Variants in CSMD1 observed in about 807,000 individuals in gnomAD.
CSMD1 encodes the protein CUB and sushi domain-containing protein 1.
CSMD1 carries 213 observed loss-of-function variants against 417.5 expected under a neutral mutation model. The observed-to-expected ratio is 0.51, with a 90% CI of 0.46 to 0.57. CSMD1 has a LOEUF of 0.57. CSMD1 is among the 20% of genes least tolerant of loss of function. The pLI, the probability that CSMD1 is intolerant of heterozygous loss-of-function variation, is 0.00. For missense variants in CSMD1, 6,923 were observed against 4,529.7 expected (o/e 1.53, Z -15.17); for synonymous variants, 2,862 against 1,736.8 (o/e 1.65, Z -16.11).
At chr8:4,778,525 C>A (rs981219659) in intron 1 of CSMD1, among the ~76,000 whole-genome samples, 1 of 152,162 alleles carries the variant, frequency 6.6e-6, no homozygotes, top group Non-Finnish European at 1.5e-5. Flanking sequence ...TATAAGCATA[C>A]AGCAAATCAT....
intron 2 of CSMD1, among the ~76,000 whole-genome samples, chr8:4,555,586 C>G (rs182257394): frequency 1.3e-5 from 2 of 152,282 alleles, no homozygotes; most frequent in African/African-American, 4.8e-5. Context: ...TGATACCTCA[C>G]TTTGGGTTTC....
intron 7 of CSMD1, among the ~76,000 whole-genome samples, chr8:3,646,767 A>G (rs1797594598): frequency 2.0e-5 from 3 of 151,996 alleles, no homozygotes; most frequent in African/African-American, 7.3e-5. Flanking sequence ...TTCATGGATA[A>G]CCACCAGGGG....
chr8:4,122,762 G>T (rs1179927904), intron 3 of CSMD1, among the ~76,000 whole-genome samples: 1 of 152,082 alleles, frequency 6.6e-6, no homozygotes, highest in Admixed American at 6.6e-5. Flanking sequence ...AAGATTTCTG[G>T]CTCTTATCAA....
intron 12 of CSMD1, among the ~76,000 whole-genome samples, chr8:3,439,294 TA>T (rs1814796949): frequency 2.1e-5 from 1 of 48,150 alleles, no homozygotes; most frequent in South Asian, 8.0e-4. Flanking sequence ...TATATATATA[TA>T]TATATATATA....
chr8:4,591,490 A>G (rs956905095), intron 2 of CSMD1, among the ~76,000 whole-genome samples: 1 of 152,202 alleles, frequency 6.6e-6, no homozygotes, highest in African/African-American at 2.4e-5. Context: ...GTAAACCTGC[A>G]TGGTAGGTCC....
chr8:3,357,109 G>A (rs71521848), intron 21 of CSMD1, among the ~76,000 whole-genome samples: 3,310 of 152,224 alleles, frequency 0.022, 48 homozygotes, highest in Middle Eastern at 0.068. Flanking sequence ...ATCCTCCAGA[G>A]CTAGGACATA....
intron 2 of CSMD1, among the ~76,000 whole-genome samples, chr8:4,536,439 G>C (rs980157099): frequency 6.6e-6 from 1 of 151,964 alleles, no homozygotes; most frequent in South Asian, 2.1e-4. Context: ...TCAGCCATTT[G>C]TATACGTGAA....
intron 3 of CSMD1, among the ~76,000 whole-genome samples, chr8:4,104,840 CTCT>C (rs1317552158): frequency 6.6e-6 from 1 of 152,138 alleles, no homozygotes; most frequent in African/African-American, 2.4e-5. Flanking sequence ...AGATCAAAGC[CTCT>C]GAGTGCTTAG....
At chr8:3,756,284 C>T (rs911819055) in intron 5 of CSMD1, among the ~76,000 whole-genome samples, 2 of 150,618 alleles carry the variant, frequency 1.3e-5, no homozygotes, top group South Asian at 2.1e-4. Context: ...ACCTGGGAGG[C>T]AGAGCTTGCA....
At chr8:4,905,793 C>CT (rs1375167676) in intron 1 of CSMD1, among the ~76,000 whole-genome samples, 1 of 136,114 alleles carries the variant, frequency 7.3e-6, no homozygotes, top group Non-Finnish European at 1.5e-5. Context: ...GCACTCCAGC[C>CT]TGGGCCACAG....
At chr8:3,722,011 G>C (rs1802206101) in intron 6 of CSMD1, among the ~76,000 whole-genome samples, 1 of 152,130 alleles carries the variant, frequency 6.6e-6, no homozygotes, top group Admixed American at 6.5e-5. Flanking sequence ...CACATGGGTG[G>C]AGTTGGCACA....
At chr8:4,215,290 A>G (rs77019805) in intron 3 of CSMD1, among the ~76,000 whole-genome samples, 1 of 151,970 alleles carries the variant, frequency 6.6e-6, no homozygotes, top group African/African-American at 2.4e-5. Context: ...CATAATATTC[A>G]TCTCCTCCCT....
intron 3 of CSMD1, among the ~76,000 whole-genome samples, chr8:4,292,458 T>G (rs1405138118): frequency 2.0e-5 from 3 of 152,090 alleles, no homozygotes; most frequent in African/African-American, 7.2e-5. Context: ...TTCACCGTGT[T>G]AGTCAGAATG....
intron 3 of CSMD1, among the ~76,000 whole-genome samples, chr8:4,174,750 A>AGGGATGTGAGGAAGAGGGAGGTGAGG (rs1439810956): frequency 2.0e-3 from 1 of 506 alleles, no homozygotes; most frequent in Non-Finnish European, 4.9e-3. Context: ...TGTGAGGAAG[A>AGGGATGTGAGGAAGAGGGAGGTGAGG]GGGATGTGAG....
At chr8:3,071,087 A>C (rs1050228290) in intron 49 of CSMD1, among the ~76,000 whole-genome samples, 1 of 152,052 alleles carries the variant, frequency 6.6e-6, no homozygotes, top group African/African-American at 2.4e-5. Context: ...GATGCCACAC[A>C]CCCAGGTCTC....
chr8:4,717,574 C>CCATA (rs1808761860), intron 1 of CSMD1, among the ~76,000 whole-genome samples: 1 of 150,954 alleles, frequency 6.6e-6, no homozygotes, highest in Non-Finnish European at 1.5e-5. Flanking sequence ...ATCCATCCAT[C>CCATA]CATCCATCCA....
intron 3 of CSMD1, among the ~76,000 whole-genome samples, chr8:4,185,257 C>G (rs1041267240): frequency 2.0e-5 from 3 of 151,980 alleles, no homozygotes; most frequent in Non-Finnish European, 4.4e-5. Flanking sequence ...GGCCCTACCC[C>G]TTGCAATTCG....
At chr8:4,675,821 G>A (rs58468768) in intron 1 of CSMD1, among the ~76,000 whole-genome samples, 7 of 152,032 alleles carry the variant, frequency 4.6e-5, no homozygotes, top group Non-Finnish European at 8.8e-5. Context: ...AAAGCCAAAG[G>A]TACTCTAATC....
At chr8:4,354,879 T>TGTGTGTGTGA (rs1257911288) in intron 3 of CSMD1, among the ~76,000 whole-genome samples, 21 of 147,126 alleles carry the variant, frequency 1.4e-4, no homozygotes, top group African/African-American at 4.2e-4. Context: ...TGTGTGTGTG[T>TGTGTGTGTGA]GTGTGTGTGT....
Sources: gnomAD v4.1 joint callset for allele counts (sites outside exome capture counted in the v4.1 genomes callset) on GRCh38, gnomAD v4.1.1 for gene constraint, MANE v1.5 for transcripts, NCBI Gene and HGNC (gene_info 2026-07-23, HGNC 2026-07-21) for gene names.